The following HS3ST4 variants were observed in gnomAD, a reference collection of about 807,000 sequenced individuals.
HS3ST4 encodes the protein heparan sulfate glucosamine 3-O-sulfotransferase 4.
A neutral mutation model predicts 29.2 loss-of-function variants in HS3ST4; 17 were observed. That is an observed-to-expected ratio of 0.58 (90% CI 0.40 to 0.87). The LOEUF is 0.87. Among genes scored for constraint, HS3ST4 ranks in the 40% least tolerant of loss-of-function variants. HS3ST4 has a pLI of 0.00. For missense variants in HS3ST4, 627 were observed against 634.5 expected (o/e 0.99, Z 0.13); for synonymous variants, 314 against 285.7 (o/e 1.10, Z -1.00).
intron 1 of HS3ST4, among the ~76,000 whole-genome samples, chr16:25,770,034 A>G (rs537583199): frequency 6.6e-6 from 1 of 152,296 alleles, no homozygotes; most frequent in African/African-American, 2.4e-5. Flanking sequence ...AATGCAGACT[A>G]GGATGTATTG....
At chr16:26,042,581 A>C (rs1469091706) in intron 1 of HS3ST4, among the ~76,000 whole-genome samples, 1 of 152,260 alleles carries the variant, frequency 6.6e-6, no homozygotes, top group East Asian at 1.9e-4. Flanking sequence ...ATCCAAATGC[A>C]TCTGAACAGT....
intron 1 of HS3ST4, among the ~76,000 whole-genome samples, chr16:25,749,941 A>G (rs1433606940): frequency 6.6e-6 from 1 of 152,204 alleles, no homozygotes; most frequent in Non-Finnish European, 1.5e-5. Flanking sequence ...TCTGGCTGGC[A>G]ATGTGGTATA....
rs572529529 is a variant in HS3ST4, at chr16:26,057,766, A to G, written c.735-77846A>G. On this transcript the variant is annotated intron_variant, in intron 1 of 1. Transcript: ENST00000331351. The stretch of plus-strand genomic sequence containing the variant: ...TCTAAAGATAAAGAAAGAAAGAAAT[A>G]AGCTAGTGCATTTCTTGCCAAGCAT... 9.3e-5 allele frequency among the ~76,000 whole-genome samples: 14 copies of G among 150,552 alleles called. No individual in the cohort carries two copies. In the South Asian group the frequency reaches 2.9e-3, roughly 31 times the overall value.
chr16:25,782,901 C>G (rs1399971812), intron 1 of HS3ST4, among the ~76,000 whole-genome samples: 1 of 152,156 alleles, frequency 6.6e-6, no homozygotes, highest in Non-Finnish European at 1.5e-5. Flanking sequence ...AAATCCTTTT[C>G]ATAGATTTTA....
chr16:26,115,286 C>G (rs572307033), intron 1 of HS3ST4, among the ~76,000 whole-genome samples: 8 of 137,616 alleles, frequency 5.8e-5, no homozygotes, highest in Non-Finnish European at 1.2e-4. Context: ...CACACACACA[C>G]AAGTATAAAC....
chr16:25,997,962 A>G (rs1431666892), intron 1 of HS3ST4, among the ~76,000 whole-genome samples: 1 of 152,186 alleles, frequency 6.6e-6, no homozygotes, highest in South Asian at 2.1e-4. Context: ...TCAGCCAGGC[A>G]TGGTGATTCA....
chr16:26,054,329 G>A (rs949161348), intron 1 of HS3ST4, among the ~76,000 whole-genome samples: 2 of 141,124 alleles, frequency 1.4e-5, no homozygotes, highest in African/African-American at 6.2e-5. Flanking sequence ...AGAAGAAGAA[G>A]AGAAGAAGAA....
At chr16:26,043,271 A>G (rs1490518668) in intron 1 of HS3ST4, among the ~76,000 whole-genome samples, 2 of 152,174 alleles carry the variant, frequency 1.3e-5, no homozygotes, top group Non-Finnish European at 2.9e-5. Flanking sequence ...TCTACAATCT[A>G]TTTATGGAGG....
chr16:25,793,194 C>G (rs1028409061), intron 1 of HS3ST4, among the ~76,000 whole-genome samples: 1 of 151,812 alleles, frequency 6.6e-6, no homozygotes, highest in South Asian at 2.1e-4. Flanking sequence ...ACTTTATAAT[C>G]CAGAGTATGG....
intron 1 of HS3ST4, among the ~76,000 whole-genome samples, chr16:26,069,512 G>A (rs184384893): frequency 1.2e-4 from 19 of 152,034 alleles, no homozygotes; most frequent in African/African-American, 3.6e-4. Context: ...TCAAGTAATC[G>A]CGGTTGATGC....
intron 1 of HS3ST4, among the ~76,000 whole-genome samples, chr16:26,082,053 C>T (rs1898731197): frequency 6.6e-6 from 1 of 152,110 alleles, no homozygotes; most frequent in South Asian, 2.1e-4. Flanking sequence ...CCTTGGCCTC[C>T]CAAAGTGCTG....
intron 1 of HS3ST4, among the ~76,000 whole-genome samples, chr16:26,092,214 G>A (rs1224696342): frequency 6.6e-6 from 1 of 151,896 alleles, no homozygotes; most frequent in African/African-American, 2.4e-5. Context: ...CCCAGCCCAC[G>A]TCTACACTTC....
chr16:25,813,797 T>C (rs552130094), intron 1 of HS3ST4, among the ~76,000 whole-genome samples: 18 of 152,334 alleles, frequency 1.2e-4, no homozygotes, highest in African/African-American at 3.6e-4. Flanking sequence ...TCACAGCAGC[T>C]TTATTTGCAA....
At chr16:25,960,903 A>T (rs1968787568) in intron 1 of HS3ST4, among the ~76,000 whole-genome samples, 1 of 152,158 alleles carries the variant, frequency 6.6e-6, no homozygotes, top group African/African-American at 2.4e-5. Context: ...TGCTAACTGG[A>T]GGTAGGAAGG....
chr16:26,118,194 T>C (rs796741103), intron 1 of HS3ST4, among the ~76,000 whole-genome samples: 1 of 152,106 alleles, frequency 6.6e-6, no homozygotes, highest in Non-Finnish European at 1.5e-5. Context: ...GCCTCCTGAG[T>C]AGCTGGGACC....
At chr16:26,104,613 AC>A (rs969691084) in intron 1 of HS3ST4, among the ~76,000 whole-genome samples, 2 of 152,074 alleles carry the variant, frequency 1.3e-5, no homozygotes, top group African/African-American at 4.8e-5. Flanking sequence ...GGCTTCAAAG[AC>A]CTTTATATTC....
chr16:26,018,398 A>G (rs1362215537), intron 1 of HS3ST4, among the ~76,000 whole-genome samples: 1 of 152,114 alleles, frequency 6.6e-6, no homozygotes, highest in Non-Finnish European at 1.5e-5. Context: ...AATTCAGAGG[A>G]CTTTCATTTA....
chr16:25,807,479 T>C (rs1041100496), intron 1 of HS3ST4, among the ~76,000 whole-genome samples: 2 of 152,248 alleles, frequency 1.3e-5, no homozygotes, highest in African/African-American at 4.8e-5. Context: ...CAAGTTGTTG[T>C]ATGTATCAGC....
At chr16:25,795,441 T>A (rs572060062) in intron 1 of HS3ST4, among the ~76,000 whole-genome samples, 1 of 152,358 alleles carries the variant, frequency 6.6e-6, no homozygotes, top group Non-Finnish European at 1.5e-5. Context: ...CTAGGATTTC[T>A]ATTTTATTCC....
Sources: gnomAD v4.1 joint callset for allele counts (sites outside exome capture counted in the v4.1 genomes callset) on GRCh38, gnomAD v4.1.1 for gene constraint, MANE v1.5 for transcripts, NCBI Gene and HGNC (gene_info 2026-07-23, HGNC 2026-07-21) for gene names.